ADK: variants seen among roughly 807,000 people sequenced by gnomAD.
The protein encoded by ADK is N6,N6-dimethyladenosine kinase.
A neutral mutation model predicts 44.7 loss-of-function variants in ADK; 24 were observed. The ratio of observed to expected loss-of-function variants is 0.54; its 90% confidence interval spans 0.39 to 0.76. The LOEUF (loss-of-function observed/expected upper bound fraction) is 0.76, where lower values mean the gene tolerates loss of function less well. ADK is among the 30% of genes least tolerant of loss of function. The probability of loss-of-function intolerance (pLI) is 0.00; values close to 1 mark genes in which losing one functional copy is unlikely to be tolerated. For synonymous variants in ADK, 128 were observed against 142.6 expected, an observed-to-expected ratio of 0.90 and a Z score of 0.73; for missense variants, 321 against 425.1, an observed-to-expected ratio of 0.76 and a Z score of 2.15.
At chr10:74,632,970 A>G (rs1403113204) in intron 9 of ADK, among the ~76,000 whole-genome samples, 2 of 152,012 alleles carry the variant, frequency 1.3e-5, no homozygotes, top group African/African-American at 4.8e-5. Flanking sequence ...AAGTTTTTTC[A>G]TATCACTTCA....
intron 4 of ADK, among the ~76,000 whole-genome samples, chr10:74,370,014 G>A (rs1338033666): frequency 6.6e-6 from 1 of 152,126 alleles, no homozygotes; most frequent in African/African-American, 2.4e-5. Flanking sequence ...AAATTTAATA[G>A]AAGAAATATT....
chr10:74,520,855 T>G (rs1848796917), intron 6 of ADK, among the ~76,000 whole-genome samples: 1 of 152,172 alleles, frequency 6.6e-6, no homozygotes, highest in Non-Finnish European at 1.5e-5. Context: ...CAGTCCCACT[T>G]CATTCTCAGT....
intron 7 of ADK, among the ~76,000 whole-genome samples, chr10:74,573,510 T>C (rs1356269807): frequency 2.0e-5 from 3 of 152,222 alleles, no homozygotes; most frequent in Non-Finnish European, 4.4e-5. Context: ...ATCTGCGTGC[T>C]GGGAGAACCA....
chr10:74,656,730 A>G (rs984590862), intron 9 of ADK, among the ~76,000 whole-genome samples: 4 of 152,212 alleles, frequency 2.6e-5, no homozygotes, highest in African/African-American at 7.2e-5. Flanking sequence ...GATATTATAG[A>G]TGAAAACTCC....
chr10:74,704,343 C>T (rs950621588), intron 10 of ADK, among the ~76,000 whole-genome samples: 4 of 152,192 alleles, frequency 2.6e-5, no homozygotes, highest in Admixed American at 6.5e-5. Flanking sequence ...TTTTATGTTA[C>T]GTATATTTTT....
At chr10:74,532,417 G>A (rs1037030089) in intron 7 of ADK, among the ~76,000 whole-genome samples, 15 of 148,492 alleles carry the variant, frequency 1.0e-4, no homozygotes, top group Admixed American at 3.4e-4. Context: ...GGCAGAGGTT[G>A]CAGTGAGCCA....
At chr10:74,639,569 G>T (rs1186026030) in intron 9 of ADK, among the ~76,000 whole-genome samples, 5 of 152,190 alleles carry the variant, frequency 3.3e-5, no homozygotes, top group Non-Finnish European at 7.3e-5. Context: ...GGGCACAGTG[G>T]TTCACACCTG....
chr10:74,455,377 T>C (rs1439525277), intron 6 of ADK, among the ~76,000 whole-genome samples: 1 of 152,106 alleles, frequency 6.6e-6, no homozygotes, highest in Non-Finnish European at 1.5e-5. Flanking sequence ...ATGCCTATAG[T>C]CCTAATTACT....
intron 9 of ADK, among the ~76,000 whole-genome samples, chr10:74,614,919 A>C (rs1393170393): frequency 2.6e-5 from 4 of 152,106 alleles, no homozygotes; most frequent in African/African-American, 9.7e-5. Context: ...ATGTATACTC[A>C]CTCATCTATA....
At chr10:74,649,442 A>G (rs1854176889) in intron 9 of ADK, among the ~76,000 whole-genome samples, 1 of 151,948 alleles carries the variant, frequency 6.6e-6, no homozygotes, top group South Asian at 2.1e-4. Flanking sequence ...CCTCTGTAAC[A>G]TAGGGAGACC....
chr10:74,245,835 C>T (rs1177142534), intron 3 of ADK, among the ~76,000 whole-genome samples: 1 of 152,112 alleles, frequency 6.6e-6, no homozygotes, highest in African/African-American at 2.4e-5. Flanking sequence ...AGGTGATCCA[C>T]TCACCTCAGC....
intron 3 of ADK, among the ~76,000 whole-genome samples, chr10:74,299,082 A>G (rs1592006789): frequency 6.6e-6 from 1 of 152,248 alleles, no homozygotes; most frequent in East Asian, 1.9e-4. Flanking sequence ...ATTAGCTTTC[A>G]TGAAAAGTCG....
At chr10:74,347,549 C>T (rs575957498) in intron 4 of ADK, among the ~76,000 whole-genome samples, 8 of 152,130 alleles carry the variant, frequency 5.3e-5, no homozygotes, top group Admixed American at 1.3e-4. Flanking sequence ...CAGTGGCACC[C>T]GGAACCCCAG....
intron 5 of ADK, among the ~76,000 whole-genome samples, chr10:74,397,519 G>A (rs1376169699): frequency 6.6e-6 from 1 of 151,954 alleles, no homozygotes; most frequent in Non-Finnish European, 1.5e-5. Context: ...AGTGACACTT[G>A]TAGCAGGATT....
intron 5 of ADK, among the ~76,000 whole-genome samples, chr10:74,394,684 C>G (rs563548388): frequency 2.0e-5 from 3 of 151,766 alleles, no homozygotes; most frequent in African/African-American, 7.2e-5. Context: ...GGTTGGAATA[C>G]GAGAGAGAGA....
chr10:74,314,790 A>T, intron 4 of ADK, 45 bp downstream of exon 4: 1 of 1,352,782 alleles, frequency 7.4e-7, no homozygotes, highest in Non-Finnish European at 1.1e-6. Context: ...AAATGATTCT[A>T]GACCCATGTC....
intron 5 of ADK, among the ~76,000 whole-genome samples, chr10:74,395,474 TAC>T (rs1843476176): frequency 6.6e-6 from 1 of 152,130 alleles, no homozygotes; most frequent in African/African-American, 2.4e-5. Context: ...GTTTTTTATA[TAC>T]AGGAGAACTT....
At chr10:74,537,921 T>G (rs1442419145) in intron 7 of ADK, among the ~76,000 whole-genome samples, 1 of 152,076 alleles carries the variant, frequency 6.6e-6, no homozygotes, top group Non-Finnish European at 1.5e-5. Flanking sequence ...AAGCTCCCCC[T>G]CATATCTAGT....
chr10:74,289,409 G>T (rs578262759), intron 3 of ADK, among the ~76,000 whole-genome samples: 1 of 152,030 alleles, frequency 6.6e-6, no homozygotes, highest in Non-Finnish European at 1.5e-5. Flanking sequence ...TGCTGAATTG[G>T]GCTAAATAAA....
Sources: allele counts gnomAD v4.1 joint callset (sites outside exome capture counted in the v4.1 genomes callset), GRCh38; gene constraint gnomAD v4.1.1; transcripts MANE v1.5; gene names NCBI Gene and HGNC (gene_info 2026-07-23, HGNC 2026-07-21).